NCAPG: variants seen among roughly 807,000 people sequenced by gnomAD.
NCAPG encodes condensin complex subunit 3.
In NCAPG, 69 loss-of-function variants were observed where a neutral mutation model predicts 113.1. The ratio of observed to expected loss-of-function variants is 0.61; its 90% CI spans 0.50 to 0.75. The LOEUF is 0.75. Ranked by LOEUF, NCAPG falls within the 30% of genes least tolerant of loss-of-function variation. The pLI is 0.00. For missense variants in NCAPG, 1,058 were observed against 1,177.0 expected (o/e 0.90, Z 1.48); for synonymous variants, 370 against 415.8 (o/e 0.89, Z 1.34).
In NCAPG at chr4:17,843,644, C is replaced by A. The variant is rs1450190934; in HGVS notation, c.*219C>A. Reference sequence around the variant, plus strand: ...ATCAGTCAGTCACACAGATTTATCACAATCTGAGGTGGGCCTAGGAATCTC... The same window carrying A: ...ATCAGTCAGTCACACAGATTTATCAAAATCTGAGGTGGGCCTAGGAATCTC... On this transcript the variant is annotated 3_prime_UTR_variant, in exon 21 of 21. Transcript: ENST00000251496. The A allele has an allele frequency of 5.3e-6, 2 of 375,768 alleles. No homozygotes were observed. Among genetic ancestry groups the A allele is most frequent in the Non-Finnish European group, 1.0e-5 (2 of 200,990 alleles). The allele number at this position is 375,768 out of a possible 1,614,324, so 23.3% of individuals were successfully genotyped here.
chr4:17,827,980 T>C (rs555125206), intron 11 of NCAPG, among the ~76,000 whole-genome samples: 33 of 151,994 alleles, frequency 2.2e-4, no homozygotes, highest in Non-Finnish European at 4.3e-4. Context: ...TTTGTGTTTT[T>C]AGTAGAGATG....
chr4:17,838,013 G>T (rs1403967208), intron 16 of NCAPG, among the ~76,000 whole-genome samples: 1 of 152,168 alleles, frequency 6.6e-6, no homozygotes, highest in African/African-American at 2.4e-5. Flanking sequence ...CTACTGAAAA[G>T]AAATTACTAA....
Position 17,837,051 on chromosome 4 carries a change from G to A in NCAPG, c.2110-108G>A, listed in dbSNP as rs1023697855. ...GCCTTTAAAGAATTTGTAATAACTC[G>A]AATGGTTTTTGGATGGTTCGTGTAA... On this transcript the variant is annotated intron_variant, in intron 14 of 20. Coordinates refer to ENST00000251496, the MANE Select transcript of NCAPG (RefSeq NM_022346.5). The A allele has an allele frequency of 3.3e-5, 29 of 881,072 alleles. No homozygotes were observed. The African/African-American group carries it at 4.6e-4, about 14-fold the overall frequency. 54.6% of individuals were successfully genotyped at this position (881,072 alleles called of 1,614,324 possible). A position where few individuals can be genotyped will look rare whatever the true frequency, so the allele number is the denominator to read the frequency against.
chr4:17,833,749 T>G (rs923138295), intron 13 of NCAPG, among the ~76,000 whole-genome samples: 2 of 152,082 alleles, frequency 1.3e-5, no homozygotes, highest in African/African-American at 4.8e-5. Flanking sequence ...GATTTACGTC[T>G]TTTCATAAAG....
chr4:17,811,924 C>T lies in NCAPG; in HGVS notation c.112-297C>T, dbSNP rs1437939430. Among the ~76,000 whole-genome samples the T allele has an allele frequency of 1.3e-5, 2 of 151,848 alleles. No individual in the cohort carries two copies. Among genetic ancestry groups the T allele is most frequent in the African/African-American group, 2.4e-5 (1 of 41,298 alleles). The stretch of plus-strand genomic sequence containing the variant: ...TATTGATTTTGGGTTGTTGAAGAAG[C>T]GTATTTGTAACGTACTGGTACTAAA... On this transcript the variant is annotated intron_variant, in intron 1 of 20. Transcript: ENST00000251496. This position sits in a 1 kb window ranked among gnomAD's most constrained non-coding sequence, Gnocchi z 5.3.
intron 16 of NCAPG, 48 bp downstream of exon 16, chr4:17,837,849 A>G: frequency 6.2e-7 from 1 of 1,601,270 alleles, no homozygotes; most frequent in Non-Finnish European, 8.5e-7. Flanking sequence ...TGGTAAAATA[A>G]TCTCTCTCAA....
intron 14 of NCAPG, among the ~76,000 whole-genome samples, chr4:17,836,174 A>G (rs555021525): frequency 2.6e-5 from 4 of 152,296 alleles, no homozygotes; most frequent in Admixed American, 6.5e-5. Flanking sequence ...ATGAAGTGCT[A>G]CTTCATTGTG....
At chr4:17,842,048 C>A in intron 19 of NCAPG, 1 of 360,720 alleles carries the variant, frequency 2.8e-6, no homozygotes, top group South Asian at 3.2e-5. Flanking sequence ...CTAAAATTTG[C>A]CTTCTTTTAA....
chr4:17,823,127 T>G lies in NCAPG; in HGVS notation c.1259+4T>G, dbSNP rs200726266. ...ATACCAGTGAAGAAGGAGGAAGGTA[T>G]GTCTAAATGTTAACACTCATTCTAA... On this transcript the variant is annotated splice_donor_region_variant and intron_variant, in intron 8 of 20. Coordinates refer to ENST00000251496, the MANE Select transcript of NCAPG (RefSeq NM_022346.5). 1 of 1,604,810 alleles carries G rather than the reference T, an allele frequency of 6.2e-7. No homozygotes were observed. Among genetic ancestry groups the G allele is most frequent in the African/African-American group, 1.3e-5 (1 of 74,554 alleles).
Position 17,843,380 on chromosome 4 carries a change from A to C in NCAPG, c.3003A>C (p.Lys1001Asn). Residue 1001 changes from lysine (K) to asparagine (N), a missense_variant, in exon 21 of 21, where the codon AAA becomes AAC. Physicochemically the swap from Lys to Asn is moderately conservative, Grantham distance 94. Transcript: ENST00000251496. ...GAGCCAAAACCGCAGCACTAGAAAAAAGTAAACTTAACCTTGCCCAATTTC... is the reference window on the plus strand; with the variant it reads ...GAGCCAAAACCGCAGCACTAGAAAACAGTAAACTTAACCTTGCCCAATTTC... ...PRRAKTAALE[K>N]SKLNLAQFLN... is the part of the protein sequence containing the mutation. 6.2e-7 allele frequency: 1 copy of C among 1,612,086 alleles called. No individual in the cohort carries two copies. The highest frequency in any genetic ancestry group is 8.5e-7 in the Non-Finnish European group (1 of 1,178,338).
At chr4:17,815,965 A>T (rs1329552307) in intron 5 of NCAPG, among the ~76,000 whole-genome samples, 1 of 143,574 alleles carries the variant, frequency 7.0e-6, no homozygotes, top group Non-Finnish European at 1.5e-5. Context: ...TCTCTGACTT[A>T]AAAAAAAAAT....
At chr4:17,834,208 GA>G (rs1464494930) in intron 13 of NCAPG, 90 bp from the exon 14 acceptor site, 4 of 837,614 alleles carry the variant, frequency 4.8e-6, no homozygotes, top group African/African-American at 1.8e-5. Context: ...ATTTGACTAA[GA>G]AAAAAACAAG....
In NCAPG at chr4:17,820,445, CA is replaced by C. The variant is rs538460501; in HGVS notation, c.1118+2364del. ...TGAAACCCCGTCTCTACTAAAAATA[CA>C]AAAAAATTAGCTGGGCGTGGTGGCA... On this transcript the variant is annotated intron_variant, in intron 7 of 20. Coordinates refer to ENST00000251496, the MANE Select transcript of NCAPG (RefSeq NM_022346.5). 3.4e-4 allele frequency among the ~76,000 whole-genome samples: 52 copies of C among 151,728 alleles called. 2 individuals are homozygous for C. In the East Asian group the frequency reaches 5.1e-3, roughly 15 times the overall value.
chr4:17,819,761 G>A (rs1721376197), intron 7 of NCAPG, among the ~76,000 whole-genome samples: 1 of 149,038 alleles, frequency 6.7e-6, no homozygotes, highest in Non-Finnish European at 1.5e-5. Context: ...TTATCTGTAT[G>A]AAGTACAGTT....
At chr4:17,838,749 G>A (rs1020753570) in intron 16 of NCAPG, among the ~76,000 whole-genome samples, 1 of 152,298 alleles carries the variant, frequency 6.6e-6, no homozygotes, top group Non-Finnish European at 1.5e-5. Flanking sequence ...AAAGGCCAAT[G>A]TAGGGAATTT....
chr4:17,815,137 A>G, intron 4 of NCAPG, 137 bp from the exon 5 acceptor site: 1 of 1,269,984 alleles, frequency 7.9e-7, no homozygotes, highest in Admixed American at 2.3e-5. Flanking sequence ...ATTTAGGTAG[A>G]ATCTTACTGT....
intron 2 of NCAPG, among the ~76,000 whole-genome samples, chr4:17,812,681 C>T (rs542397954): frequency 1.3e-5 from 2 of 152,178 alleles, no homozygotes; most frequent in African/African-American, 2.4e-5. Flanking sequence ...TTTTAGAAGC[C>T]TCTACAAAGA....
At chr4:17,829,225 G>T (rs1721775915) in intron 12 of NCAPG, among the ~76,000 whole-genome samples, 1 of 152,138 alleles carries the variant, frequency 6.6e-6, no homozygotes, top group Non-Finnish European at 1.5e-5. Context: ...CTCATTCAAA[G>T]CAAATTCTGT....
intron 17 of NCAPG, 59 bp downstream of exon 17, chr4:17,839,896 T>TATATTTA (rs567256278): frequency 6.7e-7 from 1 of 1,494,322 alleles, no homozygotes; most frequent in Non-Finnish European, 9.0e-7. Flanking sequence ...CATGTAGAAT[T>TATATTTA]TACATGGTTG....
Sources: gnomAD v4.1 joint callset for allele counts (sites outside exome capture counted in the v4.1 genomes callset) on GRCh38, gnomAD v4.1.1 for gene constraint, Gnocchi (gnomAD v3.1) non-coding constraint, MANE v1.5 for transcripts, NCBI Gene and HGNC (gene_info 2026-07-23, HGNC 2026-07-21) for gene names.